MARF1: variants seen among roughly 807,000 people sequenced by gnomAD.
MARF1 encodes the protein meiosis regulator and mRNA stability factor 1, also known as limkain-b1.
A neutral mutation model predicts 168.2 loss-of-function variants in MARF1; 24 were observed. The ratio of observed to expected loss-of-function variants is 0.14; its 90% confidence interval spans 0.10 to 0.20. MARF1 has a LOEUF of 0.20. MARF1 is among the 10% of genes least tolerant of loss of function. The pLI, the probability that MARF1 is intolerant of heterozygous loss-of-function variation, is 1.00. For synonymous variants in MARF1, 868 were observed against 822.4 expected (o/e 1.06, Z -0.95); for missense variants, 1,744 against 2,143.6 (o/e 0.81, Z 3.68).
intron 7 of MARF1, among the ~76,000 whole-genome samples, chr16:15,627,904 C>A (rs185490364): frequency 6.6e-6 from 1 of 152,158 alleles, no homozygotes; most frequent in Non-Finnish European, 1.5e-5. Flanking sequence ...TAAATTAGTA[C>A]CACCTTCCTG....
At chr16:15,620,634 T>A in intron 12 of MARF1, 103 bp from the exon 13 acceptor site, 1 of 708,238 alleles carries the variant, frequency 1.4e-6, no homozygotes, top group Non-Finnish European at 2.3e-6. Context: ...CAAAATAAAT[T>A]TACGGATTTC....
intron 14 of MARF1, 45 bp downstream of exon 14, chr16:15,617,254 A>G: frequency 1.2e-6 from 2 of 1,610,226 alleles, no homozygotes; most frequent in East Asian, 2.2e-5. Flanking sequence ...ATGTTCCACA[A>G]TCTTATAGAA....
At chr16:15,611,942 C>G (rs1315354477) in intron 17 of MARF1, among the ~76,000 whole-genome samples, 15 of 152,274 alleles carry the variant, frequency 9.9e-5, no homozygotes, top group Non-Finnish European at 4.4e-5. Flanking sequence ...CGTTTTTGGC[C>G]TGGCACACCT....
At chr16:15,620,178 A>G (rs1012920069) in intron 13 of MARF1, among the ~76,000 whole-genome samples, 5 of 151,968 alleles carry the variant, frequency 3.3e-5, no homozygotes, top group Non-Finnish European at 5.9e-5. Flanking sequence ...AAAAATTAAA[A>G]AACAAACAAA....
chr16:15,596,568 G>C lies in MARF1; in HGVS notation c.*125C>G. The C allele has an allele frequency of 1.1e-6, 1 of 913,664 alleles. No homozygotes were observed. The highest frequency in any genetic ancestry group is 1.6e-6 in the Non-Finnish European group (1 of 627,474). 56.6% of individuals were successfully genotyped at this position (913,664 alleles called of 1,614,324 possible). On this transcript the variant is annotated 3_prime_UTR_variant, in exon 27 of 27. Transcript: ENST00000396368. ...AAAAGAAAAACATGATAGAACACAG[G>C]TAAGATGAAGTCAATGGCTTCGGGG...
chr16:15,641,745 G>C (rs2035981354), intron 1 of MARF1, among the ~76,000 whole-genome samples: 1 of 152,220 alleles, frequency 6.6e-6, no homozygotes, highest in Non-Finnish European at 1.5e-5. Context: ...TAGCGAGCCT[G>C]ACACAAGATT....
At chr16:15,631,140 A>G (rs1046725799) in intron 6 of MARF1, among the ~76,000 whole-genome samples, 3 of 152,218 alleles carry the variant, frequency 2.0e-5, no homozygotes, top group African/African-American at 7.2e-5. Context: ...CAAAATAAAT[A>G]AACAAAAAAA....
At chr16:15,618,452 C>T (rs1278970306) in intron 13 of MARF1, among the ~76,000 whole-genome samples, 1 of 152,184 alleles carries the variant, frequency 6.6e-6, no homozygotes, top group Non-Finnish European at 1.5e-5. Context: ...CCCCGAGTCT[C>T]TCAGCCCCTT....
At position 15,630,317 on chromosome 16, in the gene MARF1, C is replaced by A; in HGVS notation, c.1524+15G>T. 6.3e-7 allele frequency: 1 copy of A among 1,587,078 alleles called. No homozygotes were observed. The highest frequency in any genetic ancestry group is 8.6e-7 in the Non-Finnish European group (1 of 1,162,406). ...TAATATTGGAAAATGGCAAAAATAACGCAAACCCACTTACTGGCATTTTTA... is the reference window on the plus strand; with the variant it reads ...TAATATTGGAAAATGGCAAAAATAAAGCAAACCCACTTACTGGCATTTTTA... On this transcript the variant is annotated intron_variant, in intron 7 of 26. Transcript: ENST00000396368.
chr16:15,615,842 G>T lies in MARF1; in HGVS notation c.3241C>A (p.Pro1081Thr). ...ACCTGACACCTACCAGTGTTGGGAGGCGGGGGCTTGTTGTGAATCCATTTA... is the reference window on the plus strand; with the variant it reads ...ACCTGACACCTACCAGTGTTGGGAGTCGGGGGCTTGTTGTGAATCCATTTA... ...VVKWIHNKPP[P>T]PNTDPWLLRS... The change falls in exon 16 of 27, where the codon CCT becomes ACT. Residue 1081 changes from proline to threonine, a missense_variant. Around this residue, in one of 7 missense-constraint regions of MARF1, gnomAD observed 543 missense variants for 742.1 expected, o/e 0.73. Transcript: ENST00000396368. 6.4e-7 allele frequency: 1 copy of T among 1,566,862 alleles called. No individual in the cohort carries two copies. Among genetic ancestry groups the T allele is most frequent in the Non-Finnish European group, 8.7e-7 (1 of 1,154,362 alleles).
intron 16 of MARF1, among the ~76,000 whole-genome samples, chr16:15,613,684 T>TAAATAAATAAATAAATAAAAA (rs1555524005): frequency 2.1e-5 from 3 of 146,222 alleles, no homozygotes; most frequent in South Asian, 2.2e-4. Context: ...AATAAATAAA[T>TAAATAAATAAATAAATAAAAA]AAATAAAATA....
chr16:15,614,471 G>T (rs2033875224), intron 16 of MARF1, among the ~76,000 whole-genome samples: 1 of 102,738 alleles, frequency 9.7e-6, no homozygotes, highest in South Asian at 3.6e-4. Context: ...GACAGAGGGT[G>T]ACTCCGTCTC....
chr16:15,598,394 C>T (rs1006635383), intron 26 of MARF1, among the ~76,000 whole-genome samples: 3 of 152,190 alleles, frequency 2.0e-5, no homozygotes. Context: ...TGCTCAGCTT[C>T]CTGTCTGTTA....
At chr16:15,614,476 C>T (rs1319868886) in intron 16 of MARF1, among the ~76,000 whole-genome samples, 4 of 104,900 alleles carry the variant, frequency 3.8e-5, no homozygotes, top group Admixed American at 2.3e-4. Flanking sequence ...AGGGTGACTC[C>T]GTCTCAAAAA....
At chr16:15,603,195 A>T (rs1278230853) in intron 22 of MARF1, among the ~76,000 whole-genome samples, 1 of 152,234 alleles carries the variant, frequency 6.6e-6, no homozygotes, top group Non-Finnish European at 1.5e-5. Context: ...ATGGCATATC[A>T]TTCTTTTAAA....
intron 16 of MARF1, among the ~76,000 whole-genome samples, chr16:15,613,715 T>C (rs7191720): frequency 0.52 from 77,875 of 149,596 alleles, 20,457 homozygotes; most frequent in Middle Eastern, 0.63. Context: ...AAATAAAAAG[T>C]GGAGGCTTGT....
At chr16:15,611,526 G>A (rs368453694) in intron 18 of MARF1, 66 bp downstream of exon 18, 4 of 1,388,630 alleles carry the variant, frequency 2.9e-6, no homozygotes, top group East Asian at 2.4e-5. Context: ...TAACTATTTA[G>A]AGTTTGGCAG....
chr16:15,611,015 G>A lies in MARF1; in HGVS notation c.3711C>T (p.Ser1237=). ...SEIPDTTICL[S]QQDNEMVICI... ...AAATCACCATTTCATTATCTTGTTG[G>A]GACAAGCAGATGGTTGTGTCTGGAA... Residue 1237 remains serine (S), a synonymous_variant, in exon 19 of 27, where the codon TCC becomes TCT. Coordinates refer to ENST00000396368, the MANE Select transcript of MARF1 (RefSeq NM_014647.4). The A allele has an allele frequency of 6.2e-7, 1 of 1,613,732 alleles. No homozygotes were observed. The highest frequency in any genetic ancestry group is 1.3e-5 in the African/African-American group (1 of 74,984).
chr16:15,602,403 G>C, intron 22 of MARF1, 200 bp from the exon 23 acceptor site: 2 of 605,826 alleles, frequency 3.3e-6, no homozygotes, highest in Non-Finnish European at 2.9e-6. Flanking sequence ...AGATAAAGAA[G>C]ACAACAACAA....
Sources: gnomAD v4.1 joint callset for allele counts (sites outside exome capture counted in the v4.1 genomes callset) on GRCh38, gnomAD v4.1.1 for gene constraint, gnomAD v4.1.1 regional missense constraint, MANE v1.5 for transcripts, NCBI Gene and HGNC (gene_info 2026-07-23, HGNC 2026-07-21) for gene names.